The following HMGCLL1 variants were observed in gnomAD, a reference collection of about 807,000 sequenced individuals.
HMGCLL1 encodes the protein 3-hydroxymethyl-3-methylglutaryl-CoA lyase, cytoplasmic.
Under a neutral mutation model 39.1 loss-of-function variants are expected in HMGCLL1, and 36 were observed. The observed-to-expected ratio is 0.92, with a 90% CI of 0.71 to 1.22. The LOEUF (loss-of-function observed/expected upper bound fraction) is 1.22. Among genes scored for constraint, HMGCLL1 ranks in the 50% most tolerant of loss-of-function variants. The probability of loss-of-function intolerance (pLI) is 0.00; values close to 1 mark genes in which losing one functional copy is unlikely to be tolerated. For missense variants in HMGCLL1, 451 were observed against 416.5 expected, an observed-to-expected ratio of 1.08 and a Z score of -0.72; for synonymous variants, 149 against 144.0, an observed-to-expected ratio of 1.03 and a Z score of -0.25.
At chr6:55,590,785 T>C in the HMGCLL1 span, among the ~76,000 whole-genome samples, 1 of 151,988 alleles carries the variant, frequency 6.6e-6, no homozygotes, top group Non-Finnish European at 1.5e-5. Flanking sequence ...TTTTAAAGTA[T>C]TTATTTTGAA....
the HMGCLL1 span, among the ~76,000 whole-genome samples, chr6:55,653,368 G>A: frequency 0.16 from 24,004 of 151,900 alleles, 2,023 homozygotes; most frequent in East Asian, 0.23. Flanking sequence ...TTTTAAAGTC[G>A]ATTGTATGAA....
the HMGCLL1 span, among the ~76,000 whole-genome samples, chr6:55,615,154 G>T: frequency 6.6e-6 from 1 of 151,726 alleles, no homozygotes; most frequent in African/African-American, 2.4e-5. Context: ...ATAAATGAAT[G>T]ATAATTTTAG....
chr6:55,473,108 C>T lies in HMGCLL1; in HGVS notation c.795+22311G>A, dbSNP rs559479255. ...AGTATGTCATGTATACTTTTTCTAT[C>T]CCTTTACTTTTAACATACCTGAGTA... On this transcript the variant is annotated intron_variant, in intron 7 of 8. Coordinates refer to ENST00000274901, the MANE Select transcript of HMGCLL1 (RefSeq NM_001042406.2). Among the ~76,000 whole-genome samples, 116 of 151,188 alleles carry T rather than the reference C, an allele frequency of 7.7e-4. 2 individuals are homozygous for T. In the South Asian group the frequency reaches 0.023, roughly 30 times the overall value.
chr6:55,653,372 G>A, the HMGCLL1 span, among the ~76,000 whole-genome samples: 5 of 151,974 alleles, frequency 3.3e-5, no homozygotes, highest in Admixed American at 6.6e-5. Context: ...AAAGTCGATT[G>A]TATGAAACCT....
chr6:55,475,402 C>G (rs553484542), intron 7 of HMGCLL1, among the ~76,000 whole-genome samples: 1 of 151,662 alleles, frequency 6.6e-6, no homozygotes, highest in East Asian at 1.9e-4. Flanking sequence ...CACTCAGACT[C>G]CAGCAATTTG....
chr6:55,672,367 T>C, the HMGCLL1 span, among the ~76,000 whole-genome samples: 1 of 151,846 alleles, frequency 6.6e-6, no homozygotes, highest in African/African-American at 2.4e-5. Flanking sequence ...ATTTATTTAT[T>C]AAGCTCAAAT....
intron 7 of HMGCLL1, among the ~76,000 whole-genome samples, chr6:55,441,759 C>T (rs1763606958): frequency 6.6e-6 from 1 of 151,950 alleles, no homozygotes; most frequent in African/African-American, 2.4e-5. Context: ...GGTGTTATCT[C>T]GGCCCACTGC....
At chr6:55,477,236 TA>T (rs1183058112) in intron 7 of HMGCLL1, among the ~76,000 whole-genome samples, 6,150 of 21,598 alleles carry the variant, frequency 0.28, 1,282 homozygotes, top group Admixed American at 0.35. Context: ...TAATATATAT[TA>T]TATTTATATA....
At chr6:55,571,610 C>G (rs757031360) in intron 1 of HMGCLL1, among the ~76,000 whole-genome samples, 2 of 151,864 alleles carry the variant, frequency 1.3e-5, no homozygotes, top group Admixed American at 6.6e-5. Flanking sequence ...TCGAGACCAT[C>G]CTGGCTAATG....
chr6:55,671,084 C>A, the HMGCLL1 span, among the ~76,000 whole-genome samples: 2 of 151,848 alleles, frequency 1.3e-5, no homozygotes, highest in African/African-American at 4.8e-5. Flanking sequence ...AATGTGTATT[C>A]ACTTCTAATA....
rs73453217 is a variant in HMGCLL1 at position 55,569,268 on chromosome 6, A to G, written c.108+9680T>C. Among the ~76,000 whole-genome samples, 836 of 152,250 alleles carry G rather than the reference A, an allele frequency of 5.5e-3. 8 individuals are homozygous for G. The highest frequency in any genetic ancestry group is 0.019 in the African/African-American group (787 of 41,538). On this transcript the variant is annotated intron_variant, in intron 1 of 8. Coordinates refer to ENST00000274901, the MANE Select transcript of HMGCLL1 (RefSeq NM_001042406.2). ...CATGGGCAGGAGCCAGGAGCTCTGG[A>G]AAGACAGATTAGAGGAAACATGACC... is the stretch of plus-strand genomic sequence containing the variant.
intron 7 of HMGCLL1, among the ~76,000 whole-genome samples, chr6:55,454,540 T>C (rs1026205288): frequency 6.6e-6 from 1 of 152,150 alleles, no homozygotes; most frequent in South Asian, 2.1e-4. Context: ...AAATCACTGG[T>C]GGGCAAGAGG....
At chr6:55,668,023 T>C in the HMGCLL1 span, among the ~76,000 whole-genome samples, 2 of 151,892 alleles carry the variant, frequency 1.3e-5, no homozygotes, top group East Asian at 3.9e-4. Context: ...GCCCAGAGAA[T>C]TCACTTCTAT....
intron 7 of HMGCLL1, among the ~76,000 whole-genome samples, chr6:55,488,093 A>G (rs575600784): frequency 6.6e-6 from 1 of 152,248 alleles, no homozygotes; most frequent in East Asian, 1.9e-4. Flanking sequence ...TGGGCAGAAT[A>G]GAAAATTTTT....
intron 7 of HMGCLL1, among the ~76,000 whole-genome samples, chr6:55,462,456 C>A (rs554232466): frequency 6.6e-6 from 1 of 152,186 alleles, no homozygotes; most frequent in East Asian, 1.9e-4. Context: ...GCCTTCACAC[C>A]CTATTTTGGG....
chr6:55,485,486 T>C (rs958796981), intron 7 of HMGCLL1, among the ~76,000 whole-genome samples: 12 of 150,896 alleles, frequency 8.0e-5, no homozygotes, highest in African/African-American at 2.9e-4. Flanking sequence ...AAATGTAAAG[T>C]ACATATGCAT....
At chr6:55,454,872 G>A (rs143204945) in intron 7 of HMGCLL1, among the ~76,000 whole-genome samples, 228 of 152,252 alleles carry the variant, frequency 1.5e-3, no homozygotes, top group African/African-American at 5.2e-3. Flanking sequence ...TATTTGGGGG[G>A]TAAACTTCAG....
the HMGCLL1 span, among the ~76,000 whole-genome samples, chr6:55,655,886 T>C: frequency 2.6e-5 from 4 of 152,118 alleles, no homozygotes; most frequent in Admixed American, 2.6e-4. Context: ...CCCCTCCTAA[T>C]TTAATTCCTA....
the HMGCLL1 span, among the ~76,000 whole-genome samples, chr6:55,631,304 T>G: frequency 1.3e-5 from 2 of 152,054 alleles, no homozygotes; most frequent in African/African-American, 2.4e-5. Flanking sequence ...TATGAAGACT[T>G]TTTTTTATAT....
Sources: allele counts gnomAD v4.1 joint callset (sites outside exome capture counted in the v4.1 genomes callset), GRCh38; gene constraint gnomAD v4.1.1; transcripts MANE v1.5; gene names NCBI Gene and HGNC (gene_info 2026-07-23, HGNC 2026-07-21).